Variants in KRT9 observed in about 807,000 individuals in gnomAD.
KRT9 encodes the protein keratin, type I cytoskeletal 9.
In KRT9, 34 loss-of-function variants were observed where a neutral mutation model predicts 51.4. That is an observed-to-expected ratio of 0.66 (90% CI 0.50 to 0.88). The LOEUF (loss-of-function observed/expected upper bound fraction) is 0.88, where lower values mean the gene tolerates loss of function less well. Among genes scored for constraint, KRT9 ranks in the 40% least tolerant of loss-of-function variants. The pLI, the probability that KRT9 is intolerant of heterozygous loss-of-function variation, is 0.00. For missense variants in KRT9, 753 were observed against 790.3 expected (o/e 0.95, Z 0.57); for synonymous variants, 292 against 289.7 (o/e 1.01, Z -0.08).
At chr17:41,568,099 G>T in intron 6 of KRT9, 63 bp downstream of exon 6, 2 of 1,396,864 alleles carry the variant, frequency 1.4e-6, no homozygotes, top group Non-Finnish European at 2.0e-6. Context: ...TATCCAGAGG[G>T]ACAGAAGTAG....
Position 41,571,416 on chromosome 17 carries a change from C to T in KRT9, c.577G>A (p.Gly193Arg). 2 of 1,614,068 alleles carry T rather than the reference C, an allele frequency of 1.2e-6. No homozygotes were observed. The highest frequency in any genetic ancestry group is 1.7e-6 in the Non-Finnish European group (2 of 1,180,012). The change falls in exon 1 of 8, where the codon GGA becomes AGA. Residue 193 changes from glycine (G) to arginine (R), a missense_variant. Physicochemically the swap from Gly to Arg is moderately radical, Grantham distance 125. Coordinates refer to ENST00000246662, the MANE Select transcript of KRT9 (RefSeq NM_000226.4). Reference protein sequence around the residue: ...NKIQDWYDKKGPAAIQKNYSP... With the variant: ...NKIQDWYDKKRPAAIQKNYSP... ...TAGTTCTTCTGGATAGCAGCAGGTC[C>T]CTTCTTGTCGTACCAATCCTGGATC...
rs1236749135 is a variant in KRT9 at position 41,571,717 on chromosome 17, AC to A, written c.275del (p.Gly92ValfsTer58). 4 of 1,609,388 alleles carry A rather than the reference AC, an allele frequency of 2.5e-6. No individual in the cohort carries two copies. Among genetic ancestry groups the A allele is most frequent in the Non-Finnish European group, 3.4e-6 (4 of 1,178,272 alleles). ...AAGCACCACCAAAACCTCTGGAACC[AC>A]CCCCAAAGCCACCGCCTAAACTACT... ...SASSLGGGFGGGSRGFGGASG... is the reference protein window; with the variant it reads ...SASSLGGGFGXGSRGFGGASG... On this transcript the variant is annotated frameshift_variant, in exon 1 of 8. Transcript: ENST00000246662. LOFTEE classifies it high-confidence loss of function.
rs757083599 is a variant in KRT9 at position 41,571,489 on chromosome 17, C to T, written c.504G>A (p.Leu168=). The part of the protein sequence containing the change: ...QELNSRLASY[L]DKVQALEEAN... ...CCTCCTCTAGAGCCTGCACCTTATC[C>T]AAGTAAGAGGCCAGCCGAGAATTGA... The change falls in exon 1 of 8, where the codon TTG becomes TTA. Residue 168 remains leucine (L), a synonymous_variant. Coordinates refer to ENST00000246662, the MANE Select transcript of KRT9 (RefSeq NM_000226.4). The T allele has an allele frequency of 2.5e-6, 4 of 1,614,006 alleles. No individual in the cohort carries two copies. The highest frequency in any genetic ancestry group is 2.2e-5 in the East Asian group (1 of 44,876).
At chr17:41,570,770 T>C (rs1309413234) in intron 1 of KRT9, among the ~76,000 whole-genome samples, 1 of 152,152 alleles carries the variant, frequency 6.6e-6, no homozygotes, top group East Asian at 1.9e-4. Context: ...GAACTAGGTC[T>C]AGCACATCAC....
chr17:41,568,515 A>C lies in KRT9; in HGVS notation c.1163T>G (p.Leu388Arg). ...QELEIELQSQLSKKAALEKSL... is the reference protein window; with the variant it reads ...QELEIELQSQRSKKAALEKSL... ...TATAGCAGAACTACCAACCTTGCTG[A>C]GCTGAGACTGCAGCTCAATCTCCAA... Residue 388 changes from leucine (L) to arginine (R), a missense_variant, in exon 5 of 8, where the codon CTC becomes CGC. Physicochemically the swap from Leu to Arg is moderately radical, Grantham distance 102 (BLOSUM62 -2). This residue lies in a region of KRT9 where 507 missense variants were observed against 563.7 expected (regional missense o/e 0.90). Coordinates refer to ENST00000246662, the MANE Select transcript of KRT9 (RefSeq NM_000226.4). The C allele has an allele frequency of 6.2e-7, 1 of 1,614,168 alleles. No homozygotes were observed. Among genetic ancestry groups the C allele is most frequent in the Non-Finnish European group, 8.5e-7 (1 of 1,180,026 alleles).
chr17:41,567,025 G>A (rs561446705), intron 7 of KRT9, among the ~76,000 whole-genome samples: 3 of 152,288 alleles, frequency 2.0e-5, no homozygotes, highest in Admixed American at 6.5e-5. Context: ...ACTCAGCCAT[G>A]TGTAGATTTG....
chr17:41,571,092 C>T (rs1212944298), intron 1 of KRT9, among the ~76,000 whole-genome samples: 3 of 102,812 alleles, frequency 2.9e-5, no homozygotes, highest in South Asian at 9.1e-4. Flanking sequence ...GCTCAGCTCA[C>T]GTTAACCCAG....
chr17:41,570,090 C>G, intron 2 of KRT9, 48 bp downstream of exon 2: 1 of 1,612,620 alleles, frequency 6.2e-7, no homozygotes, highest in Middle Eastern at 1.7e-4. Context: ...CACTGAGGTT[C>G]AGGGGTAAGG....
rs5820419 is a variant in KRT9, at chr17:41,568,911, T to TAC, written c.1045-280_1045-279dup. On this transcript the variant is annotated intron_variant, in intron 4 of 7. Coordinates refer to ENST00000246662, the MANE Select transcript of KRT9 (RefSeq NM_000226.4). Reference sequence around the variant, plus strand: ...CCAAACTTCCCCCACCTTTCAAACATACACACACACACACACACACACACA... The same window carrying TAC: ...CCAAACTTCCCCCACCTTTCAAACATACACACACACACACACACACACACACA... Among the ~76,000 whole-genome samples, 36,885 of 133,554 alleles carry TAC rather than the reference T, an allele frequency of 0.28. 5,182 individuals are homozygous for TAC. The highest frequency in any genetic ancestry group is 0.54 in the East Asian group (2,289 of 4,222). The allele number at this position is 133,554 out of a possible 152,430, so 87.6% of individuals were successfully genotyped here.
At chr17:41,569,739 G>A in intron 3 of KRT9, 120 bp downstream of exon 3, 1 of 1,494,686 alleles carries the variant, frequency 6.7e-7, no homozygotes, top group Non-Finnish European at 9.3e-7. Context: ...AGGAGAAGTT[G>A]AAAGTGTCCT....
chr17:41,569,650 C>A, intron 3 of KRT9, 63 bp from the exon 4 acceptor site: 1 of 1,596,544 alleles, frequency 6.3e-7, no homozygotes, highest in South Asian at 1.1e-5. Flanking sequence ...TTTCAGAATT[C>A]TCCCTCTGGT....
In KRT9 at chr17:41,571,584, A is replaced by G; in HGVS notation, c.409T>C (p.Phe137Leu). 1.2e-6 allele frequency: 2 copies of G among 1,600,488 alleles called. No individual in the cohort carries two copies. The highest frequency in any genetic ancestry group is 1.7e-6 in the Non-Finnish European group (2 of 1,170,104). ...TCACCTCCTCCAGCACCACCTCCAA[A>G]GCCCCCAAACCCCCCAAACCCACTC... ...YGSGFGGFGGFGGGAGGGDGG... is the reference protein window; with the variant it reads ...YGSGFGGFGGLGGGAGGGDGG... Residue 137 changes from phenylalanine to leucine, a missense_variant, in exon 1 of 8, where the codon TTT becomes CTT. By Grantham distance (22) the Phe-to-Leu change is conservative. Around this residue, in one of 3 missense-constraint regions of KRT9, gnomAD observed 241 missense variants for 210.3 expected, o/e 1.15. Coordinates refer to ENST00000246662, the MANE Select transcript of KRT9 (RefSeq NM_000226.4).
rs111424754 is a variant in KRT9, at chr17:41,569,522, G to A, written c.948C>T (p.Gly316=). Residue 316 remains glycine, a synonymous_variant, in exon 4 of 8, where the codon GGC becomes GGT. Transcript: ENST00000246662. ...CATTGAGGGTCTTGGTGAGATCTTTGCCAGGAGCAACGTTTATCTCCACAT... is the reference window on the plus strand; with the variant it reads ...CATTGAGGGTCTTGGTGAGATCTTTACCAGGAGCAACGTTTATCTCCACAT... ...DVNVEINVAP[G]KDLTKTLNDM... 464 of 1,614,144 alleles carry A rather than the reference G, an allele frequency of 2.9e-4. 1 individual carries two copies. The African/African-American group carries it at 4.3e-3, about 15-fold the overall frequency.
chr17:41,569,329 A>C (rs1238432876), intron 4 of KRT9, 97 bp downstream of exon 4: 4 of 1,181,572 alleles, frequency 3.4e-6, no homozygotes, highest in Non-Finnish European at 5.0e-6. Flanking sequence ...GCACTGAGAG[A>C]TGCAGAGATA....
intron 4 of KRT9, 78 bp from the exon 5 acceptor site, chr17:41,568,711 A>G: frequency 6.3e-7 from 1 of 1,582,880 alleles, no homozygotes. Flanking sequence ...ATTCACCAGG[A>G]TCTTCACCTC....
chr17:41,566,499 T>C lies in KRT9; in HGVS notation c.*41-347A>G, dbSNP rs567110046. Among the ~76,000 whole-genome samples the C allele has an allele frequency of 5.1e-4, 77 of 152,328 alleles. 1 individual carries two copies. Among genetic ancestry groups the C allele is most frequent in the African/African-American group, 1.8e-3 (74 of 41,578 alleles). On this transcript the variant is annotated intron_variant, in intron 7 of 7. Coordinates refer to ENST00000246662, the MANE Select transcript of KRT9 (RefSeq NM_000226.4). ...TAGATGTATATCCATGGACCTGCAG[T>C]GCCACTGGACTCACAAAACCACATT... is the stretch of plus-strand genomic sequence containing the variant.
At chr17:41,569,010 C>T (rs908871528) in intron 4 of KRT9, among the ~76,000 whole-genome samples, 1 of 151,978 alleles carries the variant, frequency 6.6e-6, no homozygotes, top group African/African-American at 2.4e-5. Context: ...ACTGGAGACT[C>T]AAGGACGAAG....
chr17:41,568,558 G>A lies in KRT9; in HGVS notation c.1120C>T (p.Arg374Trp), dbSNP rs116216460. The change falls in exon 5 of 8, where the codon CGG becomes TGG. Residue 374 changes from arginine to tryptophan, a missense_variant. Coordinates refer to ENST00000246662, the MANE Select transcript of KRT9 (RefSeq NM_000226.4). ...ATCTCCAACTCCTGGACACCGTGCC[G>A]GAGCTGGGTCACCTCCTTGGCACTG... ...QSSAKEVTQL[R>W]HGVQELEIEL... 3,780 of 1,614,030 alleles carry A rather than the reference G, an allele frequency of 2.3e-3. 9 individuals carry two copies. Among genetic ancestry groups the A allele is most frequent in the Non-Finnish European group, 2.7e-3 (3,244 of 1,180,028 alleles).
Position 41,568,391 on chromosome 17 carries a change from G to T in KRT9, c.1171-6C>A. 1 of 1,614,058 alleles carries T rather than the reference G, an allele frequency of 6.2e-7. No homozygotes were observed. Among genetic ancestry groups the T allele is most frequent in the Non-Finnish European group, 8.5e-7 (1 of 1,179,970 alleles). On this transcript the variant is annotated splice_polypyrimidine_tract_variant and splice_region_variant and intron_variant, in intron 5 of 7. Transcript: ENST00000246662. ...CTCTTCTCCAGAGCTGCTTTCTAAGGGTTAGGAGAAGGCTTTAAGAGGGAT... is the reference window on the plus strand; with the variant it reads ...CTCTTCTCCAGAGCTGCTTTCTAAGTGTTAGGAGAAGGCTTTAAGAGGGAT...
Sources: gnomAD v4.1 joint callset for allele counts (sites outside exome capture counted in the v4.1 genomes callset) on GRCh38, gnomAD v4.1.1 for gene constraint, gnomAD v4.1.1 regional missense constraint, MANE v1.5 for transcripts, NCBI Gene and HGNC (gene_info 2026-07-23, HGNC 2026-07-21) for gene names.